Variants in RAB30 observed in about 807,000 individuals in gnomAD.
The protein encoded by RAB30 is ras-related protein Rab-30.
RAB30 carries 9 observed loss-of-function variants against 25.1 expected under a neutral mutation model. The ratio of observed to expected loss-of-function variants is 0.36; its 90% CI spans 0.22 to 0.63. RAB30 has a LOEUF of 0.63. Among genes scored for constraint, RAB30 ranks in the 20% least tolerant of loss-of-function variants. The probability of loss-of-function intolerance (pLI) is 0.69; values close to 1 mark genes in which losing one functional copy is unlikely to be tolerated. For synonymous variants in RAB30, 77 were observed against 86.4 expected (o/e 0.89, Z 0.60); for missense variants, 140 against 243.5 (o/e 0.58, Z 2.83).
chr11:83,018,196 G>A (rs1857482133), intron 1 of RAB30, among the ~76,000 whole-genome samples: 1 of 151,968 alleles, frequency 6.6e-6, no homozygotes, highest in Non-Finnish European at 1.5e-5. Context: ...CTACTCGGGA[G>A]GCTGAGGCAG....
chr11:82,977,738 T>A lies in RAB30; in HGVS notation c.*4427A>T, dbSNP rs375991497. ...TAAATGGCTTGCATTTAAAATTCCTTCATCAGACTGGTAATGCCTCAATTT... is the reference window on the plus strand; with the variant it reads ...TAAATGGCTTGCATTTAAAATTCCTACATCAGACTGGTAATGCCTCAATTT... On this transcript the variant is annotated 3_prime_UTR_variant, in exon 5 of 5. Transcript: ENST00000527633. 2 of 152,208 alleles carry A rather than the reference T, an allele frequency of 1.3e-5. No individual in the cohort carries two copies. Among genetic ancestry groups the A allele is most frequent in the Non-Finnish European group, 2.9e-5 (2 of 68,026 alleles). The allele number at this position is 152,208 out of a possible 1,614,324, so 9.4% of individuals were successfully genotyped here. A position where few individuals can be genotyped will look rare whatever the true frequency, so the allele number is the denominator to read the frequency against.
chr11:83,014,245 G>A (rs1857366161), intron 1 of RAB30, among the ~76,000 whole-genome samples: 1 of 152,142 alleles, frequency 6.6e-6, no homozygotes, highest in African/African-American at 2.4e-5. Context: ...TTTAAGATGA[G>A]AATTGAATAA....
chr11:82,997,154 C>T, intron 2 of RAB30, 70 bp downstream of exon 2: 1 of 1,309,394 alleles, frequency 7.6e-7, no homozygotes, highest in Non-Finnish European at 1.1e-6. Context: ...TCGACAGATT[C>T]CCCCAACCCC....
intron 1 of RAB30, among the ~76,000 whole-genome samples, chr11:83,042,439 C>T (rs1022856540): frequency 6.6e-6 from 1 of 151,038 alleles, no homozygotes; most frequent in East Asian, 1.9e-4. Flanking sequence ...CACCTGTAAT[C>T]CTAGCTACTC....
At chr11:82,997,556 G>T in intron 1 of RAB30, 1 of 452,080 alleles carries the variant, frequency 2.2e-6, no homozygotes. Context: ...CGCAGATGTC[G>T]TTTCACCTGG....
chr11:83,006,567 T>C (rs1310475386), intron 1 of RAB30, among the ~76,000 whole-genome samples: 1 of 152,224 alleles, frequency 6.6e-6, no homozygotes, highest in East Asian at 1.9e-4. Context: ...TAGCTCTTTC[T>C]AGGAAAGAAG....
intron 4 of RAB30, 93 bp from the exon 5 acceptor site, chr11:82,982,508 C>A: frequency 1.5e-6 from 2 of 1,332,068 alleles, no homozygotes; most frequent in Non-Finnish European, 2.1e-6. Context: ...GAAGTCAAGC[C>A]AGACAGATGG....
intron 1 of RAB30, among the ~76,000 whole-genome samples, chr11:83,062,395 A>C (rs1289607104): frequency 6.6e-6 from 1 of 152,212 alleles, no homozygotes; most frequent in Non-Finnish European, 1.5e-5. Context: ...TGAACAAGGA[A>C]AGCACTCAGA....
chr11:83,044,830 G>A (rs1373764475), intron 1 of RAB30, among the ~76,000 whole-genome samples: 1 of 152,118 alleles, frequency 6.6e-6, no homozygotes, highest in Non-Finnish European at 1.5e-5. Flanking sequence ...AATATAGTTT[G>A]AAACTATAGC....
At chr11:83,056,008 G>A (rs1015958814) in intron 1 of RAB30, among the ~76,000 whole-genome samples, 1 of 152,128 alleles carries the variant, frequency 6.6e-6, no homozygotes, top group Non-Finnish European at 1.5e-5. Flanking sequence ...TAAGACATAA[G>A]GTGTATCTGT....
chr11:83,052,533 C>T (rs1395319452), intron 1 of RAB30, among the ~76,000 whole-genome samples: 1 of 152,230 alleles, frequency 6.6e-6, no homozygotes, highest in African/African-American at 2.4e-5. Context: ...GGGAACTTAA[C>T]AGCAAGGGCT....
intron 1 of RAB30, among the ~76,000 whole-genome samples, chr11:83,030,196 T>A (rs906801683): frequency 4.6e-5 from 7 of 152,084 alleles, no homozygotes; most frequent in African/African-American, 1.7e-4. Context: ...TTAAAAAAAT[T>A]TTTTTAATGT....
At chr11:83,042,370 C>A (rs376923433) in intron 1 of RAB30, among the ~76,000 whole-genome samples, 1 of 151,564 alleles carries the variant, frequency 6.6e-6, no homozygotes, top group African/African-American at 2.4e-5. Flanking sequence ...CTGGGCAATA[C>A]GGTGAAACCC....
intron 1 of RAB30, among the ~76,000 whole-genome samples, chr11:83,026,808 T>A (rs966461660): frequency 9.6e-6 from 1 of 103,822 alleles, no homozygotes; most frequent in African/African-American, 4.6e-5. Flanking sequence ...AAGTGCTTTA[T>A]TTTTATTAAA....
chr11:83,027,270 T>C (rs1370169869), intron 1 of RAB30, among the ~76,000 whole-genome samples: 1 of 152,144 alleles, frequency 6.6e-6, no homozygotes, highest in Non-Finnish European at 1.5e-5. Context: ...ATCTTTAGCA[T>C]TCCCCATAAA....
rs1323186816 is a variant in RAB30 at position 82,974,532 on chromosome 11, T to G, written c.*7633A>C. 13 of 152,200 alleles carry G rather than the reference T, an allele frequency of 8.5e-5. No homozygotes were observed. The highest frequency in any genetic ancestry group is 8.5e-4 in the Admixed American group (13 of 15,256). The allele number at this position is 152,200 out of a possible 1,614,324, so 9.4% of individuals were successfully genotyped here. ...TTAAAATCAAGTACTATTCTTATATTGAAGTTGGTTAGATTTTATATAACG... is the reference window on the plus strand; with the variant it reads ...TTAAAATCAAGTACTATTCTTATATGGAAGTTGGTTAGATTTTATATAACG... On this transcript the variant is annotated 3_prime_UTR_variant, in exon 5 of 5. Transcript: ENST00000527633.
chr11:83,017,982 T>G (rs1212758343), intron 1 of RAB30, among the ~76,000 whole-genome samples: 2 of 152,240 alleles, frequency 1.3e-5, no homozygotes, highest in Admixed American at 6.5e-5. Context: ...TGTACTAGTT[T>G]ACATTCTTAC....
At chr11:83,044,732 G>A (rs972074467) in intron 1 of RAB30, among the ~76,000 whole-genome samples, 1 of 152,128 alleles carries the variant, frequency 6.6e-6, no homozygotes, top group African/African-American at 2.4e-5. Context: ...TTTGTTTTAG[G>A]CATCATTGGG....
At chr11:83,003,415 T>A (rs752383904) in intron 1 of RAB30, among the ~76,000 whole-genome samples, 5 of 152,168 alleles carry the variant, frequency 3.3e-5, no homozygotes, top group African/African-American at 1.2e-4. Flanking sequence ...TATATCCTCC[T>A]AGTCTTTTTC....
Sources: allele counts gnomAD v4.1 joint callset (sites outside exome capture counted in the v4.1 genomes callset), GRCh38; gene constraint gnomAD v4.1.1; transcripts MANE v1.5; gene names NCBI Gene and HGNC (gene_info 2026-07-23, HGNC 2026-07-21).